The following VPS13B variants were observed in gnomAD, a reference collection of about 807,000 sequenced individuals.
VPS13B encodes the protein intermembrane lipid transfer protein VPS13B.
VPS13B carries 285 observed loss-of-function variants against 426.4 expected under a neutral mutation model. The observed-to-expected ratio is 0.67, with a 90% confidence interval of 0.61 to 0.74. The LOEUF (loss-of-function observed/expected upper bound fraction) is 0.74, where lower values mean the gene tolerates loss of function less well. Among genes scored for constraint, VPS13B ranks in the 30% least tolerant of loss-of-function variants. The pLI is 0.00. For synonymous variants in VPS13B, 1,676 were observed against 1,676.4 expected (o/e 1.00, Z 0.01); for missense variants, 4,537 against 4,782.6 (o/e 0.95, Z 1.51).
intron 17 of VPS13B, among the ~76,000 whole-genome samples, chr8:99,230,997 A>G (rs72672329): frequency 0.086 from 13,035 of 152,292 alleles, 738 homozygotes; most frequent in African/African-American, 0.16. Context: ...TAAATGAGGC[A>G]TGTCATCTGG....
intron 14 of VPS13B, among the ~76,000 whole-genome samples, chr8:99,153,725 G>C (rs1262356860): frequency 6.6e-6 from 1 of 151,828 alleles, no homozygotes; most frequent in Non-Finnish European, 1.5e-5. Context: ...TTATGTATTA[G>C]ATCAATTAAG....
At chr8:99,092,087 A>T (rs1351149412) in intron 3 of VPS13B, 1 of 152,164 alleles carries the variant, frequency 6.6e-6, no homozygotes, top group East Asian at 1.9e-4. Flanking sequence ...TTCTAGTTTT[A>T]GTTGACAAAC....
chr8:99,427,430 G>C (rs1490006454), intron 21 of VPS13B, among the ~76,000 whole-genome samples: 3 of 150,166 alleles, frequency 2.0e-5, no homozygotes, highest in African/African-American at 4.9e-5. Flanking sequence ...CTTTAAAGTA[G>C]TTTTTTCCAA....
chr8:99,028,429 CG>C, intron 2 of VPS13B, among the ~76,000 whole-genome samples: 1 of 144,548 alleles, frequency 6.9e-6, no homozygotes, highest in Non-Finnish European at 1.5e-5. Context: ...GGGCGGCTGG[CG>C]GGGCAGAGGG....
chr8:99,039,316 G>A (rs555267493), intron 3 of VPS13B, among the ~76,000 whole-genome samples: 127 of 152,090 alleles, frequency 8.4e-4, no homozygotes, highest in Non-Finnish European at 1.4e-3. Flanking sequence ...TGAAGTTTTG[G>A]TATAAGAAAC....
chr8:99,250,272 A>G (rs1263345759), intron 17 of VPS13B, among the ~76,000 whole-genome samples: 1 of 152,164 alleles, frequency 6.6e-6, no homozygotes, highest in Non-Finnish European at 1.5e-5. Context: ...TCTAGATACT[A>G]GTCCTTCAGC....
chr8:99,717,664 A>G (rs1563879783), intron 37 of VPS13B, among the ~76,000 whole-genome samples: 2 of 152,176 alleles, frequency 1.3e-5, no homozygotes, highest in African/African-American at 2.4e-5. Flanking sequence ...CATATCCATT[A>G]GCAGCCACTC....
At chr8:99,851,284 A>T (rs995178561) in intron 55 of VPS13B, among the ~76,000 whole-genome samples, 7 of 152,230 alleles carry the variant, frequency 4.6e-5, no homozygotes, top group Non-Finnish European at 1.5e-5. Flanking sequence ...TTGGATGCCT[A>T]GCATGGGATG....
intron 17 of VPS13B, among the ~76,000 whole-genome samples, chr8:99,247,180 T>A (rs569294771): frequency 7.0e-6 from 1 of 143,114 alleles, no homozygotes; most frequent in African/African-American, 2.5e-5. Flanking sequence ...CATGTTCAAT[T>A]TTTTTTTTAA....
chr8:99,214,062 G>T (rs1374870189), intron 17 of VPS13B, among the ~76,000 whole-genome samples: 1 of 152,028 alleles, frequency 6.6e-6, no homozygotes, highest in Non-Finnish European at 1.5e-5. Context: ...TGCCTGCTGG[G>T]ACACCTACTG....
In VPS13B at chr8:99,156,841, G is replaced by A. The variant is rs1475084326; in HGVS notation, c.2208+98G>A. 78 of 1,149,264 alleles carry A rather than the reference G, an allele frequency of 6.8e-5. 1 individual carries two copies. The highest frequency in any genetic ancestry group is 6.3e-4 in the South Asian group (48 of 75,768). The allele number at this position is 1,149,264 out of a possible 1,614,324, so 71.2% of individuals were successfully genotyped here. ...TTGATGTTGTAATTTCAGAGAAATA[G>A]TACTCTAAAAGGTAAGATTTAAATA... On this transcript the variant is annotated intron_variant, in intron 15 of 61. Transcript: ENST00000357162.
At chr8:99,155,229 A>T (rs1811295017) in intron 14 of VPS13B, among the ~76,000 whole-genome samples, 1 of 152,212 alleles carries the variant, frequency 6.6e-6, no homozygotes, top group Admixed American at 6.5e-5. Context: ...GCTAAGAAAT[A>T]TTACTGAAAT....
Position 99,481,487 on chromosome 8 carries a change from T to A in VPS13B, c.3667-112T>A, listed in dbSNP as rs578043224. On this transcript the variant is annotated intron_variant, in intron 24 of 61. Transcript: ENST00000357162. Reference sequence around the variant, plus strand: ...ATCAGTGATGCATTGGTAGAGTTTGTTTTATAAATTTTATTTCTCTGGAAT... The same window carrying A: ...ATCAGTGATGCATTGGTAGAGTTTGATTTATAAATTTTATTTCTCTGGAAT... 127 of 1,234,554 alleles carry A rather than the reference T, an allele frequency of 1.0e-4. 2 individuals are homozygous for A. In the South Asian group the frequency reaches 1.5e-3, roughly 15 times the overall value. The allele number at this position is 1,234,554 out of a possible 1,614,324, so 76.5% of individuals were successfully genotyped here.
At chr8:99,697,775 CTCA>C in intron 35 of VPS13B, 1 of 626,028 alleles carries the variant, frequency 1.6e-6, no homozygotes, top group Non-Finnish European at 3.1e-6. Context: ...TGTCACTGAG[CTCA>C]TCAGCACCAT....
intron 19 of VPS13B, among the ~76,000 whole-genome samples, chr8:99,350,451 T>C (rs188355599): frequency 1.5e-4 from 23 of 152,256 alleles, no homozygotes; most frequent in Admixed American, 9.2e-4. Flanking sequence ...GCTTGACCAG[T>C]AAAGAGAATG....
chr8:99,143,033 G>A lies in VPS13B; in HGVS notation c.1711G>A (p.Glu571Lys), dbSNP rs1452243405. The part of the protein sequence containing the change: ...GKSEDLGTVQ[E>K]KSTKSLVIGP... ...AAGTGAAGATTTGGGAACAGTTCAG[G>A]AGAAGTCCACCAAAAGCCTTGTTAT... The change falls in exon 13 of 62, where the codon GAG (glutamate) becomes AAG (lysine). Residue 571 changes from glutamate to lysine, a missense_variant. Around this residue, in one of 2 missense-constraint regions of VPS13B, gnomAD observed 4,311 missense variants for 4,474.3 expected, o/e 0.96. Transcript: ENST00000357162. 1 of 1,613,980 alleles carries A rather than the reference G, an allele frequency of 6.2e-7. No individual in the cohort carries two copies. Among genetic ancestry groups the A allele is most frequent in the East Asian group, 2.2e-5 (1 of 44,844 alleles).
intron 57 of VPS13B, among the ~76,000 whole-genome samples, 198 bp downstream of exon 57, chr8:99,859,678 G>A (rs546750145): frequency 1.1e-4 from 17 of 152,298 alleles, no homozygotes; most frequent in South Asian, 2.1e-4. Context: ...CTTGCCTCTG[G>A]TGTGTGAAAA....
intron 2 of VPS13B, among the ~76,000 whole-genome samples, chr8:99,023,487 C>CTT (rs1280881092): frequency 7.0e-6 from 1 of 143,418 alleles, no homozygotes. Flanking sequence ...TCTTTCTTTT[C>CTT]TTTTTTTTTT....
In VPS13B at chr8:99,467,420, C is replaced by T. The variant is rs1819167374; in HGVS notation, c.3452C>T (p.Ala1151Val). The T allele has an allele frequency of 6.2e-7, 1 of 1,613,592 alleles. No individual in the cohort carries two copies. The highest frequency in any genetic ancestry group is 2.2e-5 in the East Asian group (1 of 44,862). Reference protein sequence around the residue: ...IPRPILEEGDAFPWTISLHNF... With the variant: ...IPRPILEEGDVFPWTISLHNF... ...CTTTTATCCCCTATATCAGGTGATG[C>T]TTTTCCTTGGACGATCAGCTTGCAT... Residue 1151 changes from alanine to valine, a missense_variant, in exon 24 of 62, where the codon GCT (alanine) becomes GTT (valine). Ala to Val is a moderately conservative substitution (Grantham distance 64). Transcript: ENST00000357162.
Sources: allele counts gnomAD v4.1 joint callset (sites outside exome capture counted in the v4.1 genomes callset), GRCh38; gene constraint gnomAD v4.1.1; regional missense constraint gnomAD v4.1.1; transcripts MANE v1.5; gene names NCBI Gene and HGNC (gene_info 2026-07-23, HGNC 2026-07-21).